Variants in FAM13B observed in about 807,000 individuals in gnomAD.
The protein encoded by FAM13B is protein FAM13B.
Under a neutral mutation model 117.3 loss-of-function variants are expected in FAM13B, and 60 were observed. The ratio of observed to expected loss-of-function variants is 0.51; its 90% CI spans 0.42 to 0.63. The LOEUF (loss-of-function observed/expected upper bound fraction) is 0.63, where lower values mean the gene tolerates loss of function less well. Ranked by LOEUF, FAM13B falls within the 30% of genes least tolerant of loss-of-function variation. FAM13B has a pLI of 0.00. For synonymous variants in FAM13B, 332 were observed against 356.1 expected (o/e 0.93, Z 0.76); for missense variants, 972 against 1,091.9 (o/e 0.89, Z 1.55).
intron 18 of FAM13B, 21 bp from the exon 19 acceptor site, chr5:137,946,332 T>G: frequency 7.8e-7 from 1 of 1,285,996 alleles, no homozygotes; most frequent in South Asian, 2.1e-5. Context: ...ACAAAAAAAA[T>G]AACAAAATAC....
At chr5:137,989,731 G>C (rs1778127671) in intron 7 of FAM13B, among the ~76,000 whole-genome samples, 1 of 152,172 alleles carries the variant, frequency 6.6e-6, no homozygotes, top group South Asian at 2.1e-4. Context: ...AGGAGGCTGA[G>C]GCAGGAAGAT....
upstream of FAM13B, among the ~76,000 whole-genome samples, chr5:138,034,995 C>CTTTATTTTTT (rs1790974418): frequency 2.9e-5 from 1 of 34,364 alleles, no homozygotes; most frequent in Non-Finnish European, 4.9e-5. Flanking sequence ...ATTCCCTTGC[C>CTTTATTTTTT]TTTTTTTTTT....
chr5:137,989,471 T>C (rs1778067156), intron 7 of FAM13B, among the ~76,000 whole-genome samples: 1 of 152,210 alleles, frequency 6.6e-6, no homozygotes, highest in African/African-American at 2.4e-5. Context: ...GGATTATTTA[T>C]GGTTCTAAAG....
intron 13 of FAM13B, among the ~76,000 whole-genome samples, chr5:137,957,540 C>CAAAAAA (rs35104775): frequency 1.8e-5 from 1 of 55,414 alleles, no homozygotes; most frequent in Non-Finnish European, 4.1e-5. Flanking sequence ...AACTCCGTCT[C>CAAAAAA]AAAAAAAAAA....
chr5:137,949,262 A>C, intron 17 of FAM13B, 78 bp from the exon 18 acceptor site: 1 of 1,048,440 alleles, frequency 9.5e-7, no homozygotes, highest in Non-Finnish European at 1.5e-6. Flanking sequence ...CAAAATACAC[A>C]ACAAGAAAGT....
chr5:137,974,983 G>A (rs1345112489), intron 10 of FAM13B, among the ~76,000 whole-genome samples: 1 of 152,182 alleles, frequency 6.6e-6, no homozygotes, highest in Non-Finnish European at 1.5e-5. Flanking sequence ...TTGGAACACA[G>A]CCATGCTCAT....
At chr5:137,978,021 T>A (rs1050735063) in intron 10 of FAM13B, among the ~76,000 whole-genome samples, 1 of 152,218 alleles carries the variant, frequency 6.6e-6, no homozygotes, top group Non-Finnish European at 1.5e-5. Flanking sequence ...AAATTGGGAC[T>A]GCATTAGCTT....
At chr5:138,020,853 A>G (rs1786539186) in intron 2 of FAM13B, 178 bp downstream of exon 2, 2 of 358,642 alleles carry the variant, frequency 5.6e-6, no homozygotes, top group Non-Finnish European at 9.6e-6. Context: ...TAACTTAAGG[A>G]TAGCAAAATG....
At chr5:137,971,450 A>G (rs377105265) in intron 10 of FAM13B, among the ~76,000 whole-genome samples, 2 of 149,204 alleles carry the variant, frequency 1.3e-5, no homozygotes, top group African/African-American at 4.9e-5. Flanking sequence ...TCTCTGGGAC[A>G]CATTCAAAGC....
At chr5:137,948,196 C>G (rs1763961682) in intron 18 of FAM13B, among the ~76,000 whole-genome samples, 1 of 150,204 alleles carries the variant, frequency 6.7e-6, no homozygotes, top group Non-Finnish European at 1.5e-5. Flanking sequence ...AAAAAAAAAT[C>G]ATTTAATCCT....
chr5:138,018,626 G>A, intron 3 of FAM13B, 112 bp from the exon 4 acceptor site: 1 of 972,872 alleles, frequency 1.0e-6, no homozygotes, highest in East Asian at 2.4e-5. Flanking sequence ...GCCTTTCTTG[G>A]CTCCCCTGAC....
At chr5:137,966,478 TATATATATATAGAGAG>T (rs1322548249) in intron 10 of FAM13B, among the ~76,000 whole-genome samples, 145 of 64,418 alleles carry the variant, frequency 2.3e-3, no homozygotes, top group African/African-American at 7.5e-3. Flanking sequence ...TATATATATA[TATATATATATAGAGAG>T]AGAGAGAGAG....
intron 1 of FAM13B, among the ~76,000 whole-genome samples, chr5:138,022,437 T>A (rs1236191175): frequency 2.0e-5 from 3 of 152,156 alleles, no homozygotes; most frequent in African/African-American, 4.8e-5. Flanking sequence ...AGAAGAGTAA[T>A]ATTAATCAGT....
chr5:138,024,812 CAG>C (rs4033316), intron 1 of FAM13B, among the ~76,000 whole-genome samples: 34,609 of 143,786 alleles, frequency 0.24, 4,423 homozygotes, highest in African/African-American at 0.32. Flanking sequence ...CACACACACA[CAG>C]AGAGAGAGAG....
At chr5:137,948,891 A>ACT in intron 18 of FAM13B, 64 bp downstream of exon 18, 1 of 1,240,124 alleles carries the variant, frequency 8.1e-7, no homozygotes, top group South Asian at 1.2e-5. Flanking sequence ...ACCCTGCTAT[A>ACT]GTAATTATTT....
intron 10 of FAM13B, among the ~76,000 whole-genome samples, chr5:137,975,932 TGGGGAAGG>T (rs1386516784): frequency 6.9e-6 from 1 of 144,398 alleles, no homozygotes; most frequent in Non-Finnish European, 1.5e-5. Flanking sequence ...GGGACGGGAG[TGGGGAAGG>T]GGGGAATATC....
chr5:137,979,011 G>A (rs1194337941), intron 10 of FAM13B, among the ~76,000 whole-genome samples: 1 of 148,124 alleles, frequency 6.8e-6, no homozygotes, highest in South Asian at 2.1e-4. Flanking sequence ...TCACAGTTCA[G>A]ACTTTTTTTT....
chr5:137,945,081 T>C (rs1210822706), intron 20 of FAM13B, among the ~76,000 whole-genome samples: 2 of 151,900 alleles, frequency 1.3e-5, no homozygotes, highest in African/African-American at 4.8e-5. Flanking sequence ...ACTGCACATA[T>C]ACCCCTTGAA....
intron 10 of FAM13B, among the ~76,000 whole-genome samples, chr5:137,963,044 C>T (rs563535742): frequency 2.0e-5 from 3 of 152,184 alleles, no homozygotes; most frequent in East Asian, 1.9e-4. Flanking sequence ...AATACATGAA[C>T]GTTGTGGTGT....
Sources: gnomAD v4.1 joint callset for allele counts (sites outside exome capture counted in the v4.1 genomes callset) on GRCh38, gnomAD v4.1.1 for gene constraint, MANE v1.5 for transcripts, NCBI Gene and HGNC (gene_info 2026-07-23, HGNC 2026-07-21) for gene names.